CDH18: variants seen among roughly 807,000 people sequenced by gnomAD.
CDH18 encodes cadherin-18.
Under a neutral mutation model 67.9 loss-of-function variants are expected in CDH18, and 31 were observed. The ratio of observed to expected loss-of-function variants is 0.46; its 90% CI spans 0.34 to 0.62. CDH18 has a LOEUF of 0.62. CDH18 is among the 20% of genes least tolerant of loss of function. The pLI is 0.01. For missense variants in CDH18, 890 were observed against 975.5 expected (o/e 0.91, Z 1.17); for synonymous variants, 362 against 347.2 (o/e 1.04, Z -0.48).
At chr5:19,862,846 C>T (rs963285092) in intron 2 of CDH18, among the ~76,000 whole-genome samples, 15 of 151,618 alleles carry the variant, frequency 9.9e-5, no homozygotes, top group East Asian at 5.8e-4. Context: ...GATCAATAGA[C>T]GAGGAGACAC....
intron 2 of CDH18, among the ~76,000 whole-genome samples, chr5:20,254,572 C>G (rs1199149493): frequency 2.6e-5 from 4 of 152,138 alleles, no homozygotes; most frequent in Non-Finnish European, 5.9e-5. Flanking sequence ...TAAGGGAGTA[C>G]TAAGCATGGA....
At chr5:19,801,673 T>C (rs965768877) in intron 3 of CDH18, among the ~76,000 whole-genome samples, 1 of 152,240 alleles carries the variant, frequency 6.6e-6, no homozygotes, top group Non-Finnish European at 1.5e-5. Flanking sequence ...TTGTTTTTAA[T>C]ATATCAGCCC....
At chr5:19,498,855 C>G (rs1040306458) in intron 11 of CDH18, among the ~76,000 whole-genome samples, 5 of 152,182 alleles carry the variant, frequency 3.3e-5, no homozygotes, top group African/African-American at 1.2e-4. Context: ...TGTTAAGCTT[C>G]ATTCATCATT....
intron 5 of CDH18, among the ~76,000 whole-genome samples, chr5:19,658,196 A>C (rs889504356): frequency 1.3e-5 from 2 of 152,068 alleles, no homozygotes; most frequent in Admixed American, 1.3e-4. Context: ...TTTTATATAG[A>C]TATTATCCTT....
At chr5:20,257,212 G>A (rs938639770) in intron 1 of CDH18, among the ~76,000 whole-genome samples, 2 of 152,016 alleles carry the variant, frequency 1.3e-5, no homozygotes, top group Non-Finnish European at 2.9e-5. Flanking sequence ...GTTCAGGTGG[G>A]CTGTCATTAG....
At chr5:20,358,362 G>A (rs1474892336) in intron 1 of CDH18, among the ~76,000 whole-genome samples, 1 of 152,126 alleles carries the variant, frequency 6.6e-6, no homozygotes, top group African/African-American at 2.4e-5. Context: ...CTAGACCAAA[G>A]AATTGAAAGT....
At chr5:20,152,637 T>C (rs1015291589) in intron 2 of CDH18, among the ~76,000 whole-genome samples, 4 of 152,094 alleles carry the variant, frequency 2.6e-5, no homozygotes, top group Admixed American at 6.6e-5. Context: ...GACAAAAATA[T>C]CTTACTCTAG....
At chr5:19,482,375 C>T (rs554678590) in intron 12 of CDH18, among the ~76,000 whole-genome samples, 1 of 152,092 alleles carries the variant, frequency 6.6e-6, no homozygotes, top group Non-Finnish European at 1.5e-5. Flanking sequence ...CTCGGCCTCC[C>T]AAAGTGCTGG....
At chr5:20,567,239 A>G (rs116756654) in intron 1 of CDH18, among the ~76,000 whole-genome samples, 380 of 152,336 alleles carry the variant, frequency 2.5e-3, no homozygotes, top group African/African-American at 8.8e-3. Context: ...AGAACAAAAG[A>G]GACTTCTTTG....
At chr5:20,449,679 C>A (rs1275456001) in intron 1 of CDH18, among the ~76,000 whole-genome samples, 1 of 151,906 alleles carries the variant, frequency 6.6e-6, no homozygotes, top group African/African-American at 2.4e-5. Context: ...CATTCAGACA[C>A]ATTTGTAAGT....
intron 1 of CDH18, among the ~76,000 whole-genome samples, chr5:20,447,343 G>C (rs1371298710): frequency 6.6e-6 from 1 of 151,536 alleles, no homozygotes. Flanking sequence ...TAGGCCATGA[G>C]GACTTCTCCC....
At chr5:20,346,603 A>G (rs1580803099) in intron 1 of CDH18, among the ~76,000 whole-genome samples, 1 of 152,160 alleles carries the variant, frequency 6.6e-6, no homozygotes, top group African/African-American at 2.4e-5. Flanking sequence ...TGAGTTGCCT[A>G]TACTGCACAG....
intron 2 of CDH18, among the ~76,000 whole-genome samples, chr5:19,956,874 A>T (rs1796307559): frequency 6.6e-6 from 1 of 151,882 alleles, no homozygotes; most frequent in African/African-American, 2.4e-5. Context: ...AAGAATCTCA[A>T]GAGCAGAAAA....
chr5:19,729,242 A>G (rs192117052), intron 4 of CDH18, among the ~76,000 whole-genome samples: 22 of 152,292 alleles, frequency 1.4e-4, no homozygotes, highest in Admixed American at 1.3e-4. Flanking sequence ...ATTAAGTGCC[A>G]ATGATGTGGA....
At chr5:19,572,080 G>A (rs1741521308) in intron 7 of CDH18, among the ~76,000 whole-genome samples, 1 of 152,132 alleles carries the variant, frequency 6.6e-6, no homozygotes, top group South Asian at 2.1e-4. Flanking sequence ...GACATCAATA[G>A]GAGGAATACA....
At chr5:19,900,354 G>A (rs542032190) in intron 2 of CDH18, among the ~76,000 whole-genome samples, 6 of 152,180 alleles carry the variant, frequency 3.9e-5, no homozygotes, top group South Asian at 2.1e-4. Context: ...TAACAATAGC[G>A]TATATTTTAA....
intron 10 of CDH18, among the ~76,000 whole-genome samples, chr5:19,518,576 G>A (rs912877341): frequency 2.5e-4 from 38 of 152,270 alleles, no homozygotes; most frequent in Middle Eastern, 3.4e-3. Context: ...CAGACTTGCT[G>A]AGTCTTCCGG....
chr5:19,848,962 T>C (rs747463447), intron 2 of CDH18, among the ~76,000 whole-genome samples: 20 of 150,978 alleles, frequency 1.3e-4, no homozygotes, highest in Non-Finnish European at 2.5e-4. Flanking sequence ...CACACACATA[T>C]ATATGTATAT....
chr5:19,763,259 T>C (rs1772612283), intron 3 of CDH18, among the ~76,000 whole-genome samples: 1 of 152,146 alleles, frequency 6.6e-6, no homozygotes. Flanking sequence ...AATGAAATAA[T>C]GCTATAGCAG....
Sources: allele counts gnomAD v4.1 joint callset (sites outside exome capture counted in the v4.1 genomes callset), GRCh38; gene constraint gnomAD v4.1.1; transcripts MANE v1.5; gene names NCBI Gene and HGNC (gene_info 2026-07-23, HGNC 2026-07-21).